The following ZNF571 variants were observed in gnomAD, a reference collection of about 807,000 sequenced individuals.
The protein encoded by ZNF571 is zinc finger protein 571.
In ZNF571, 4 loss-of-function variants were observed where a neutral mutation model predicts 7.7. The observed-to-expected ratio is 0.52, with a 90% CI of 0.25 to 1.18. The LOEUF (loss-of-function observed/expected upper bound fraction) is 1.18, where lower values mean the gene tolerates loss of function less well. Among genes scored for constraint, ZNF571 ranks in the 50% most tolerant of loss-of-function variants. The pLI, the probability that ZNF571 is intolerant of heterozygous loss-of-function variation, is 0.14. For synonymous variants in ZNF571, 251 were observed against 232.4 expected, an observed-to-expected ratio of 1.08 and a Z score of -0.73; for missense variants, 704 against 726.9, an observed-to-expected ratio of 0.97 and a Z score of 0.36.
chr19:37,570,090 T>G (rs982163052), intron 3 of ZNF571: 2 of 152,298 alleles, frequency 1.3e-5, no homozygotes, highest in African/African-American at 4.8e-5. Context: ...TATCCTTAAG[T>G]TATAAAAAGA....
chr19:37,592,370 C>A (rs1434567737), intron 1 of ZNF571, among the ~76,000 whole-genome samples: 1 of 152,172 alleles, frequency 6.6e-6, no homozygotes, highest in East Asian at 1.9e-4. Context: ...TTTTTAGATA[C>A]TTTTCTCTAA....
At chr19:37,591,392 AAAG>A (rs2043863431) in intron 1 of ZNF571, among the ~76,000 whole-genome samples, 1 of 152,252 alleles carries the variant, frequency 6.6e-6, no homozygotes, top group African/African-American at 2.4e-5. Context: ...TTGATATAAA[AAAG>A]AATAATGATC....
At chr19:37,588,891 G>A (rs1365285790) in intron 1 of ZNF571, among the ~76,000 whole-genome samples, 1 of 152,036 alleles carries the variant, frequency 6.6e-6, no homozygotes, top group African/African-American at 2.4e-5. Context: ...AAATATATAA[G>A]ATATCTAAAT....
At position 37,565,879 on chromosome 19, in the gene ZNF571, A is replaced by C; in HGVS notation, c.549T>G (p.Ile183Met). 6.2e-7 allele frequency: 1 copy of C among 1,613,942 alleles called. No individual in the cohort carries two copies. The highest frequency in any genetic ancestry group is 8.5e-7 in the Non-Finnish European group (1 of 1,179,894). Residue 183 changes from isoleucine (I) to methionine (M), a missense_variant, in exon 4 of 4, where the codon ATT (isoleucine) becomes ATG (methionine). Transcript: ENST00000451802. ...CACCAGTCTGAATTCTCTGATGTTG[A>C]ATATAGCTTGGCTTTTTGCTAAAGG... is the stretch of plus-strand genomic sequence containing the variant. ...RNTFSKKPSY[I>M]QHQRIQTGEK...
chr19:37,565,384 G>C lies in ZNF571; in HGVS notation c.1044C>G (p.Ser348=). ...GAATTCTCTGATGTTCATTCAGTTG[G>C]GAGGCACATAAAAAGGCTTTCCCAC... ...KECGKAFLCA[S]QLNEHQRIHT... The change falls in exon 4 of 4, where the codon TCC becomes TCG. Residue 348 remains serine, a synonymous_variant. Transcript: ENST00000451802. The C allele has an allele frequency of 1.7e-5, 28 of 1,612,152 alleles. No homozygotes were observed. The highest frequency in any genetic ancestry group is 2.4e-5 in the Non-Finnish European group (28 of 1,179,374).
chr19:37,574,887 G>C (rs372533546), intron 3 of ZNF571, among the ~76,000 whole-genome samples: 1 of 152,184 alleles, frequency 6.6e-6, no homozygotes, highest in Non-Finnish European at 1.5e-5. Flanking sequence ...CCACAGCCAT[G>C]AGTCGGCCTT....
chr19:37,587,828 A>C (rs532513583), intron 1 of ZNF571, among the ~76,000 whole-genome samples: 4 of 152,134 alleles, frequency 2.6e-5, no homozygotes, highest in Non-Finnish European at 4.4e-5. Flanking sequence ...CATTAAGAAT[A>C]CATGGGTTGG....
At chr19:37,592,746 A>C (rs2043903627) in intron 1 of ZNF571, among the ~76,000 whole-genome samples, 1 of 152,248 alleles carries the variant, frequency 6.6e-6, no homozygotes, top group East Asian at 1.9e-4. Flanking sequence ...AAACCTCTAG[A>C]TCTAACTGCC....
At chr19:37,591,547 GTATT>G (rs1302672033) in intron 1 of ZNF571, among the ~76,000 whole-genome samples, 1 of 152,186 alleles carries the variant, frequency 6.6e-6, no homozygotes, top group Non-Finnish European at 1.5e-5. Flanking sequence ...CATATGAACT[GTATT>G]TATTTATCTT....
At position 37,565,728 on chromosome 19, in the gene ZNF571, G is replaced by A. The variant is rs140590185; in HGVS notation, c.700C>T (p.Arg234Cys). 280 of 1,613,470 alleles carry A rather than the reference G, an allele frequency of 1.7e-4. No individual in the cohort carries two copies. The highest frequency in any genetic ancestry group is 2.3e-4 in the Non-Finnish European group (271 of 1,179,886). Reference protein sequence around the residue: ...QCNACGKAFIRGSQLTEHQRV... With the variant: ...QCNACGKAFICGSQLTEHQRV... ...TGATGTTCAGTGAGCTGTGAACCAC[G>A]AATAAAAGCTTTCCCACATGCGTTA... is the stretch of plus-strand genomic sequence containing the variant. The change falls in exon 4 of 4, where the codon CGT becomes TGT. Residue 234 changes from arginine to cysteine, a missense_variant. Physicochemically the swap from Arg to Cys is radical, Grantham distance 180. Coordinates refer to ENST00000451802, the MANE Select transcript of ZNF571 (RefSeq NM_016536.5).
intron 3 of ZNF571, among the ~76,000 whole-genome samples, chr19:37,578,320 C>T (rs2043317678): frequency 6.6e-6 from 1 of 152,118 alleles, no homozygotes; most frequent in Non-Finnish European, 1.5e-5. Flanking sequence ...CTGGGACTGG[C>T]ATGGAGTGGG....
At chr19:37,584,210 T>G in intron 2 of ZNF571, 113 bp from the exon 3 acceptor site, 1 of 1,511,904 alleles carries the variant, frequency 6.6e-7, no homozygotes, top group South Asian at 1.2e-5. Flanking sequence ...CAACAGGAAA[T>G]TGGTTGCCTA....
At chr19:37,573,856 G>C (rs1600487762) in intron 3 of ZNF571, among the ~76,000 whole-genome samples, 2 of 150,478 alleles carry the variant, frequency 1.3e-5, no homozygotes, top group Non-Finnish European at 3.0e-5. Flanking sequence ...GAAAGAAAAA[G>C]AAAAAAGAAA....
In ZNF571 at chr19:37,565,672, T is replaced by A. The variant is rs28512414; in HGVS notation, c.756A>T (p.Glu252Asp). Reference sequence around the variant, plus strand: ...TAAAGGCTTTTCCACATTTCTTACATTCATATGGTTTCTCTCCTGTATGAA... The same window carrying A: ...TAAAGGCTTTTCCACATTTCTTACAATCATATGGTTTCTCTCCTGTATGAA... ...QRVHTGEKPY[E>D]CKKCGKAFSY... The change falls in exon 4 of 4, where the codon GAA (glutamate) becomes GAT (aspartate). Residue 252 changes from glutamate to aspartate, a missense_variant. By Grantham distance (45) the Glu-to-Asp change is conservative. Transcript: ENST00000451802. The A allele has an allele frequency of 0.21, 340,660 of 1,613,190 alleles. 43,176 individuals carry two copies. Among genetic ancestry groups the A allele is most frequent in the East Asian group, 0.66 (29,494 of 44,812 alleles).
intron 3 of ZNF571, among the ~76,000 whole-genome samples, chr19:37,568,162 T>C (rs1227151163): frequency 6.6e-6 from 1 of 152,206 alleles, no homozygotes; most frequent in Non-Finnish European, 1.5e-5. Flanking sequence ...CCACTGTATA[T>C]AGGCTGTAGA....
chr19:37,586,696 A>G lies in ZNF571; in HGVS notation c.-20T>C, dbSNP rs529637970. The G allele has an allele frequency of 7.6e-5, 123 of 1,613,968 alleles. 1 individual carries two copies. The highest frequency in any genetic ancestry group is 7.6e-4 in the South Asian group (69 of 91,052). Reference sequence around the variant, plus strand: ...GGGCATGGTTTTTTAGAACTGATCAATTTTCTGGGTTCTTCTCCTGGAGGT... The same window carrying G: ...GGGCATGGTTTTTTAGAACTGATCAGTTTTCTGGGTTCTTCTCCTGGAGGT... On this transcript the variant is annotated 5_prime_UTR_variant, in exon 2 of 4. Transcript: ENST00000451802.
rs140673369 is a variant in ZNF571, at chr19:37,565,058, A to G, written c.1370T>C (p.Ile457Thr). ...FECKECGKAF[I>T]RVAYLTQHEK... Reference sequence around the variant, plus strand: ...ATGTTGAGTAAGATATGCAACACGAATAAAGGCCTTTCCACATTCCTTACA... The same window carrying G: ...ATGTTGAGTAAGATATGCAACACGAGTAAAGGCCTTTCCACATTCCTTACA... The change falls in exon 4 of 4, where the codon ATT (isoleucine) becomes ACT (threonine). Residue 457 changes from isoleucine to threonine, a missense_variant. By Grantham distance (89) the Ile-to-Thr change is moderately conservative. Transcript: ENST00000451802. The G allele has an allele frequency of 2.5e-6, 4 of 1,613,124 alleles. No individual in the cohort carries two copies. In the African/African-American group the frequency reaches 4.0e-5, roughly 16 times the overall value.
intron 1 of ZNF571, among the ~76,000 whole-genome samples, chr19:37,593,289 C>A (rs1600548292): frequency 6.6e-6 from 1 of 152,232 alleles, no homozygotes; most frequent in South Asian, 2.1e-4. Context: ...TTAATTACAG[C>A]TAGGTGTTGA....
chr19:37,588,192 GATATTTGAC>G (rs1288330881), intron 1 of ZNF571, among the ~76,000 whole-genome samples: 2 of 149,108 alleles, frequency 1.3e-5, no homozygotes, highest in Non-Finnish European at 3.0e-5. Flanking sequence ...AAGTTAATAG[GATATTTGAC>G]ATATGATATA....
Sources: allele counts gnomAD v4.1 joint callset (sites outside exome capture counted in the v4.1 genomes callset), GRCh38; gene constraint gnomAD v4.1.1; transcripts MANE v1.5; gene names NCBI Gene and HGNC (gene_info 2026-07-23, HGNC 2026-07-21).